WIPF3: variants seen among roughly 807,000 people sequenced by gnomAD.
The protein encoded by WIPF3 is WAS/WASL interacting protein family member 3.
In WIPF3, 33 loss-of-function variants were observed where a neutral mutation model predicts 38.9. The observed-to-expected ratio is 0.85, with a 90% CI of 0.64 to 1.14. The LOEUF (loss-of-function observed/expected upper bound fraction) is 1.14, where lower values mean the gene tolerates loss of function less well. Among genes scored for constraint, WIPF3 ranks in the 50% most tolerant of loss-of-function variants. The pLI is 0.00. For synonymous variants in WIPF3, 324 were observed against 269.3 expected (o/e 1.20, Z -1.99); for missense variants, 711 against 652.5 (o/e 1.09, Z -0.98).
chr7:29,828,533 A>T (rs550470901), intron 1 of WIPF3, among the ~76,000 whole-genome samples: 1 of 152,318 alleles, frequency 6.6e-6, no homozygotes, highest in East Asian at 1.9e-4. Flanking sequence ...TTACATACCC[A>T]GATTTCAAAA....
At chr7:29,811,613 C>T (rs1784379469) in intron 1 of WIPF3, among the ~76,000 whole-genome samples, 1 of 152,200 alleles carries the variant, frequency 6.6e-6, no homozygotes, top group African/African-American at 2.4e-5. Flanking sequence ...TTTCCTGGTC[C>T]TGAAACCTGG....
chr7:29,861,683 A>C (rs920124310), intron 2 of WIPF3, among the ~76,000 whole-genome samples: 31 of 152,344 alleles, frequency 2.0e-4, no homozygotes, highest in African/African-American at 7.2e-4. Flanking sequence ...GCTTAATAGA[A>C]GAAGAAAGTC....
At chr7:29,845,123 CAT>C (rs751842949) in intron 2 of WIPF3, among the ~76,000 whole-genome samples, 6 of 147,068 alleles carry the variant, frequency 4.1e-5, no homozygotes, top group Non-Finnish European at 7.5e-5. Flanking sequence ...ACACAAAAAA[CAT>C]ATTGCATATT....
intron 1 of WIPF3, among the ~76,000 whole-genome samples, chr7:29,815,832 T>C (rs1356447501): frequency 6.6e-6 from 1 of 152,238 alleles, no homozygotes; most frequent in Non-Finnish European, 1.5e-5. Context: ...TTTATTCTGC[T>C]CTTGCCTATT....
At chr7:29,874,170 G>A (rs1302661628) in intron 2 of WIPF3, among the ~76,000 whole-genome samples, 1 of 151,732 alleles carries the variant, frequency 6.6e-6, no homozygotes, top group African/African-American at 2.4e-5. Flanking sequence ...TGGTGCATGC[G>A]TATGCCCTTA....
intron 8 of WIPF3, 102 bp from the exon 9 acceptor site, chr7:29,914,391 G>A: frequency 1.0e-6 from 1 of 964,868 alleles, no homozygotes; most frequent in Non-Finnish European, 1.4e-6. Flanking sequence ...GCATGAATGA[G>A]AAGCTTCGGG....
intron 2 of WIPF3, among the ~76,000 whole-genome samples, chr7:29,868,070 C>T (rs977463844): frequency 5.3e-5 from 8 of 151,854 alleles, no homozygotes; most frequent in Non-Finnish European, 8.8e-5. Context: ...GAATTAAAAA[C>T]GATGTGCCTT....
chr7:29,811,254 TATGATGATGATGATGATG>T (rs60111327), intron 1 of WIPF3, among the ~76,000 whole-genome samples: 3 of 149,088 alleles, frequency 2.0e-5, no homozygotes, highest in Non-Finnish European at 4.5e-5. Context: ...AATTAGCCAT[TATGATGATGATGATGATG>T]ATGATGATGA....
At position 29,884,150 on chromosome 7, in the gene WIPF3, TC is replaced by T; in HGVS notation, c.660del (p.Cys221ValfsTer28). On this transcript the variant is annotated frameshift_variant, in exon 5 of 9. Transcript: ENST00000242140. LOFTEE classifies it high-confidence loss of function. Reference protein sequence around the residue: ...KGNLPVVAPPVPCAPPPPPPP... With the variant: ...KGNLPVVAPPXPCAPPPPPPP... The stretch of plus-strand genomic sequence containing the variant: ...AACCTCCCGGTGGTTGCACCCCCCG[TC>T]CCCTGTGCGCCACCACCTCCACCTC... 6.7e-7 allele frequency: 1 copy of T among 1,492,882 alleles called. No individual in the cohort carries two copies. The highest frequency in any genetic ancestry group is 8.9e-7 in the Non-Finnish European group (1 of 1,118,004). 92.5% of individuals were successfully genotyped at this position (1,492,882 alleles called of 1,614,324 possible).
chr7:29,836,041 A>C (rs541974412), intron 2 of WIPF3, among the ~76,000 whole-genome samples: 1 of 152,382 alleles, frequency 6.6e-6, no homozygotes, highest in African/African-American at 2.4e-5. Context: ...TGAGGTGCCA[A>C]GGGCTTAGAC....
chr7:29,831,539 G>A (rs1026719747), intron 1 of WIPF3, among the ~76,000 whole-genome samples: 5 of 152,216 alleles, frequency 3.3e-5, no homozygotes, highest in African/African-American at 9.6e-5. Flanking sequence ...CATAACTATA[G>A]TGAATAATGA....
intron 1 of WIPF3, among the ~76,000 whole-genome samples, chr7:29,829,002 G>C (rs562419293): frequency 6.6e-6 from 1 of 152,214 alleles, no homozygotes; most frequent in East Asian, 1.9e-4. Context: ...AGCCTCCCAG[G>C]CTGCTTGTGT....
chr7:29,809,457 G>A (rs1308259448), intron 1 of WIPF3, among the ~76,000 whole-genome samples: 1 of 152,232 alleles, frequency 6.6e-6, no homozygotes, highest in Non-Finnish European at 1.5e-5. Context: ...GAAAAGAATC[G>A]TAATGTTTGA....
At position 29,884,285 on chromosome 7, in the gene WIPF3, T is replaced by G; in HGVS notation, c.791T>G (p.Leu264Arg). 3.0e-6 allele frequency: 1 copy of G among 332,832 alleles called. No homozygotes were observed. Among genetic ancestry groups the G allele is most frequent in the Non-Finnish European group, 4.3e-6 (1 of 233,248 alleles). 20.6% of individuals were successfully genotyped at this position (332,832 alleles called of 1,614,324 possible). ...CACCTCCCGCCCATCCCGCCCCCGC[T>G]CCCTCTGCTCCCACCTTGTGGGTAT... ...PLHLPPIPPP[L>R]PLLPPCGYPG... is the part of the protein sequence containing the mutation. Residue 264 changes from leucine to arginine, a missense_variant, in exon 5 of 9, where the codon CTC (leucine) becomes CGC (arginine). Transcript: ENST00000242140.
At chr7:29,829,564 G>A (rs1349695001) in intron 1 of WIPF3, among the ~76,000 whole-genome samples, 1 of 152,204 alleles carries the variant, frequency 6.6e-6, no homozygotes, top group East Asian at 1.9e-4. Flanking sequence ...GATGATAAGT[G>A]TCACTTCCAC....
intron 2 of WIPF3, among the ~76,000 whole-genome samples, chr7:29,866,319 A>C (rs1785386946): frequency 3.9e-5 from 6 of 152,154 alleles, no homozygotes; most frequent in Admixed American, 3.9e-4. Flanking sequence ...AACCACTATT[A>C]TTTTAGAGCC....
intron 8 of WIPF3, among the ~76,000 whole-genome samples, chr7:29,912,794 T>C (rs1786528397): frequency 6.6e-6 from 1 of 152,200 alleles, no homozygotes; most frequent in Non-Finnish European, 1.5e-5. Context: ...TTTGAGAACA[T>C]TATTCTAAGT....
rs750228081 is a variant in WIPF3 at position 29,883,948 on chromosome 7, C to A, written c.454C>A (p.Leu152Ile). ...GCTTATCCCGCCTGCCTCTCCCAGGCTAGGCAATACCTCCGAGGCGCATGG... is the reference window on the plus strand; with the variant it reads ...GCTTATCCCGCCTGCCTCTCCCAGGATAGGCAATACCTCCGAGGCGCATGG... ...GPLIPPASPR[L>I]GNTSEAHGAA... The change falls in exon 5 of 9, where the codon CTA becomes ATA. Residue 152 changes from leucine to isoleucine, a missense_variant. Leu to Ile is a conservative substitution (Grantham distance 5). Coordinates refer to ENST00000242140, the MANE Select transcript of WIPF3 (RefSeq NM_001080529.3). 6.4e-6 allele frequency: 10 copies of A among 1,574,352 alleles called. No individual in the cohort carries two copies. The South Asian group carries it at 7.0e-5, about 11-fold the overall frequency.
intron 1 of WIPF3, among the ~76,000 whole-genome samples, chr7:29,808,109 C>T (rs917240849): frequency 3.3e-5 from 5 of 152,198 alleles, no homozygotes; most frequent in African/African-American, 1.2e-4. Context: ...CTAAGAATTA[C>T]TGAAGTTATA....
Sources: gnomAD v4.1 joint callset for allele counts (sites outside exome capture counted in the v4.1 genomes callset) on GRCh38, gnomAD v4.1.1 for gene constraint, MANE v1.5 for transcripts, NCBI Gene and HGNC (gene_info 2026-07-23, HGNC 2026-07-21) for gene names.